TACR3: variants seen among roughly 807,000 people sequenced by gnomAD.
TACR3 encodes the protein tachykinin receptor 3.
In TACR3, 34 loss-of-function variants were observed where a neutral mutation model predicts 35.0. The ratio of observed to expected loss-of-function variants is 0.97; its 90% CI spans 0.74 to 1.30. The LOEUF (loss-of-function observed/expected upper bound fraction) is 1.30. Ranked by LOEUF, TACR3 falls within the 50% of genes most tolerant of loss-of-function variation. The pLI is 0.00. For synonymous variants in TACR3, 233 were observed against 221.1 expected (o/e 1.05, Z -0.48); for missense variants, 558 against 591.7 (o/e 0.94, Z 0.59).
intron 1 of TACR3, among the ~76,000 whole-genome samples, chr4:103,668,016 A>C (rs1158590846): frequency 1.3e-5 from 2 of 152,000 alleles, no homozygotes; most frequent in Non-Finnish European, 2.9e-5. Flanking sequence ...TTTAGTAGAG[A>C]TAGTGGGATC....
intron 3 of TACR3, among the ~76,000 whole-genome samples, chr4:103,595,225 G>T (rs1015137093): frequency 2.0e-5 from 3 of 152,226 alleles, no homozygotes; most frequent in African/African-American, 7.2e-5. Flanking sequence ...ACAGAAAAAA[G>T]AATCAGGTGG....
At chr4:103,594,631 T>C (rs1000726105) in intron 3 of TACR3, among the ~76,000 whole-genome samples, 2 of 152,174 alleles carry the variant, frequency 1.3e-5, no homozygotes, top group South Asian at 4.1e-4. Context: ...AAAATTGTTT[T>C]CCGACAATTG....
At chr4:103,689,995 A>G (rs981426970) in intron 1 of TACR3, among the ~76,000 whole-genome samples, 1 of 152,176 alleles carries the variant, frequency 6.6e-6, no homozygotes, top group Non-Finnish European at 1.5e-5. Context: ...AGAGAGCCAT[A>G]ATGAAATTAA....
chr4:103,650,071 T>C (rs1448594065), intron 3 of TACR3, among the ~76,000 whole-genome samples: 2 of 152,102 alleles, frequency 1.3e-5, no homozygotes, highest in African/African-American at 4.8e-5. Context: ...CTAGTAAGGC[T>C]GTGGTTCTTG....
At chr4:103,626,044 C>T (rs1371268818) in intron 3 of TACR3, among the ~76,000 whole-genome samples, 1 of 152,162 alleles carries the variant, frequency 6.6e-6, no homozygotes, top group Non-Finnish European at 1.5e-5. Flanking sequence ...GACTTCTAGC[C>T]TCCAAGACAG....
At chr4:103,618,586 T>G (rs1289276866) in intron 3 of TACR3, among the ~76,000 whole-genome samples, 11 of 136,320 alleles carry the variant, frequency 8.1e-5, no homozygotes, top group South Asian at 2.3e-4. Flanking sequence ...TTTTTTTTTT[T>G]TTTTTGTTCC....
At chr4:103,645,627 A>G (rs1578241002) in intron 3 of TACR3, among the ~76,000 whole-genome samples, 1 of 152,026 alleles carries the variant, frequency 6.6e-6, no homozygotes. Context: ...CTTAATTAAA[A>G]GAAAAAAGGA....
At chr4:103,665,940 C>T (rs1034058719) in intron 1 of TACR3, among the ~76,000 whole-genome samples, 1 of 152,090 alleles carries the variant, frequency 6.6e-6, no homozygotes, top group Non-Finnish European at 1.5e-5. Context: ...GAATACACTG[C>T]CATTCTTTGT....
chr4:103,598,757 T>A (rs1442380790), intron 3 of TACR3, among the ~76,000 whole-genome samples: 3 of 152,194 alleles, frequency 2.0e-5, no homozygotes, highest in African/African-American at 7.2e-5. Context: ...AAAGATCAGA[T>A]ATTTGTAGAT....
At chr4:103,592,938 G>A (rs899853992) in intron 3 of TACR3, among the ~76,000 whole-genome samples, 3 of 152,176 alleles carry the variant, frequency 2.0e-5, no homozygotes, top group African/African-American at 7.2e-5. Context: ...TGAGCAGATG[G>A]AAATTGGCCA....
intron 3 of TACR3, among the ~76,000 whole-genome samples, chr4:103,634,062 CA>C (rs1469695180): frequency 6.6e-6 from 1 of 152,044 alleles, no homozygotes; most frequent in African/African-American, 2.4e-5. Flanking sequence ...ACTTCTAATG[CA>C]AAACTAAATA....
At chr4:103,637,220 A>C (rs368468263) in intron 3 of TACR3, among the ~76,000 whole-genome samples, 1 of 151,944 alleles carries the variant, frequency 6.6e-6, no homozygotes, top group African/African-American at 2.4e-5. Flanking sequence ...TCCAGCAGCA[A>C]ATCAAAAAGC....
At chr4:103,712,733 A>G (rs529674724) in intron 1 of TACR3, among the ~76,000 whole-genome samples, 1 of 152,206 alleles carries the variant, frequency 6.6e-6, no homozygotes, top group African/African-American at 2.4e-5. Context: ...CATCTGACAA[A>G]GGGCTAATAT....
intron 3 of TACR3, among the ~76,000 whole-genome samples, chr4:103,632,822 T>C (rs2110313086): frequency 6.6e-6 from 1 of 152,070 alleles, no homozygotes. Flanking sequence ...ATTTTAGCAT[T>C]AAATATAAAA....
At chr4:103,703,302 C>T (rs1722705306) in intron 1 of TACR3, among the ~76,000 whole-genome samples, 1 of 152,070 alleles carries the variant, frequency 6.6e-6, no homozygotes, top group African/African-American at 2.4e-5. Context: ...AGTACATTTA[C>T]ACTATTGTAC....
intron 3 of TACR3, among the ~76,000 whole-genome samples, chr4:103,643,215 G>T (rs1475436657): frequency 6.6e-6 from 1 of 151,776 alleles, no homozygotes; most frequent in Non-Finnish European, 1.5e-5. Context: ...TCATTTGTTT[G>T]TATTAGCCAT....
rs114801629 is a variant in TACR3, at chr4:103,695,304, T to C, written c.548+23824A>G. ...ACACCAAGTGTGTCTGTCTCTCCTG[T>C]TTCTCCTTCCACCTCCTCCACTTCA... On this transcript the variant is annotated intron_variant, in intron 1 of 4. Coordinates refer to ENST00000304883, the MANE Select transcript of TACR3 (RefSeq NM_001059.3). 8.1e-3 allele frequency among the ~76,000 whole-genome samples: 1,227 copies of C among 152,204 alleles called. 19 individuals are homozygous for C. Among genetic ancestry groups the C allele is most frequent in the African/African-American group, 0.028 (1,174 of 41,550 alleles).
chr4:103,600,091 T>C (rs569200627), intron 3 of TACR3, among the ~76,000 whole-genome samples: 1 of 152,032 alleles, frequency 6.6e-6, no homozygotes, highest in African/African-American at 2.4e-5. Flanking sequence ...GTCCTGGACT[T>C]TTTTTGGTTG....
chr4:103,702,484 T>A (rs1385191839), intron 1 of TACR3, among the ~76,000 whole-genome samples: 2 of 152,264 alleles, frequency 1.3e-5, no homozygotes, highest in Non-Finnish European at 2.9e-5. Flanking sequence ...ATTGTGGAAG[T>A]CAGTGTGGTG....
Sources: allele counts gnomAD v4.1 joint callset (sites outside exome capture counted in the v4.1 genomes callset), GRCh38; gene constraint gnomAD v4.1.1; transcripts MANE v1.5; gene names NCBI Gene and HGNC (gene_info 2026-07-23, HGNC 2026-07-21).